AGO1: variants seen among roughly 807,000 people sequenced by gnomAD.
AGO1 encodes protein argonaute-1.
A neutral mutation model predicts 109.2 loss-of-function variants in AGO1; 11 were observed. The observed-to-expected ratio is 0.10, with a 90% CI of 0.06 to 0.17. The LOEUF (loss-of-function observed/expected upper bound fraction) is 0.17, where lower values mean the gene tolerates loss of function less well. Among genes scored for constraint, AGO1 ranks in the 10% least tolerant of loss-of-function variants. The probability of loss-of-function intolerance (pLI) is 1.00; values close to 1 mark genes in which losing one functional copy is unlikely to be tolerated. For synonymous variants in AGO1, 422 were observed against 418.6 expected (o/e 1.01, Z -0.10); for missense variants, 574 against 1,140.3 (o/e 0.50, Z 7.15).
Position 35,901,718 on chromosome 1 carries a change from C to A in AGO1, c.1140+125C>A. ...ATTTGTTGCCTAGGACTGTATAAGG[C>A]TGCTTTTGCTTCTTGACCGTATAGC... is the stretch of plus-strand genomic sequence containing the variant. On this transcript the variant is annotated intron_variant, in intron 9 of 18. Coordinates refer to ENST00000373204, the MANE Select transcript of AGO1 (RefSeq NM_012199.5). The surrounding 1 kb of genome is among the most constrained non-coding windows in gnomAD (Gnocchi z 4.8). 1 of 1,467,590 alleles carries A rather than the reference C, an allele frequency of 6.8e-7. No individual in the cohort carries two copies. The highest frequency in any genetic ancestry group is 9.2e-7 in the Non-Finnish European group (1 of 1,082,054). 90.9% of individuals were successfully genotyped at this position (1,467,590 alleles called of 1,614,324 possible).
At chr1:35,873,717 C>T (rs1557597092) in intron 1 of AGO1, 1 of 152,734 alleles carries the variant, frequency 6.5e-6, no homozygotes, top group African/African-American at 2.4e-5. Flanking sequence ...GAGTACTTTT[C>T]CTAGATCAAA....
At chr1:35,907,820 A>T (rs72902976) in intron 12 of AGO1, among the ~76,000 whole-genome samples, 11,116 of 151,956 alleles carry the variant, frequency 0.073, 1,353 homozygotes, top group African/African-American at 0.25. Context: ...TTGTCTTCCT[A>T]TTTCCTTCAT....
chr1:35,919,563 G>A lies in AGO1; in HGVS notation c.2530G>A (p.Val844Met), dbSNP rs1314564307. 3 of 1,614,034 alleles carry A rather than the reference G, an allele frequency of 1.9e-6. No homozygotes were observed. Among genetic ancestry groups the A allele is most frequent in the Non-Finnish European group, 1.7e-6 (2 of 1,180,022 alleles). The change falls in exon 19 of 19, where the codon GTG becomes ATG. Residue 844 changes from valine (V) to methionine (M), a missense_variant. Val to Met is a conservative substitution (Grantham distance 21). Transcript: ENST00000373204. This position sits in a 1 kb window ranked among gnomAD's most constrained non-coding sequence, Gnocchi z 6.6. The part of the protein sequence containing the change: ...GRDPQALAKA[V>M]QVHQDTLRTM... ...GGACCCCCAGGCCCTGGCCAAAGCC[G>A]TGCAGGTTCACCAGGATACTCTGCG...
intron 1 of AGO1, among the ~76,000 whole-genome samples, chr1:35,870,852 C>G (rs147873350): frequency 2.2e-4 from 33 of 152,226 alleles, no homozygotes; most frequent in Non-Finnish European, 4.3e-4. Flanking sequence ...ACATAGTTTA[C>G]TTTTGCATAG....
At position 35,915,525 on chromosome 1, in the gene AGO1, G is replaced by A; in HGVS notation, c.2011G>A (p.Glu671Lys). 1 of 1,614,052 alleles carries A rather than the reference G, an allele frequency of 6.2e-7. No individual in the cohort carries two copies. The highest frequency in any genetic ancestry group is 8.5e-7 in the Non-Finnish European group (1 of 1,179,982). Reference protein sequence around the residue: ...RIIFYRDGVPEGQLPQILHYE... With the variant: ...RIIFYRDGVPKGQLPQILHYE... ...CATCTTCTACCGAGATGGGGTGCCT[G>A]AAGGCCAGCTACCCCAGGTAGGGCC... The change falls in exon 15 of 19, where the codon GAA becomes AAA. Residue 671 changes from glutamate (E) to lysine (K), a missense_variant. This residue lies in a region of AGO1 where 45 missense variants were observed against 61.3 expected (regional missense o/e 0.73). Coordinates refer to ENST00000373204, the MANE Select transcript of AGO1 (RefSeq NM_012199.5).
At chr1:35,916,601 C>A (rs1174877272) in intron 15 of AGO1, among the ~76,000 whole-genome samples, 1 of 152,206 alleles carries the variant, frequency 6.6e-6, no homozygotes, top group Non-Finnish European at 1.5e-5. Context: ...CTCCTGACCT[C>A]AAATGATCCA....
At position 35,883,274 on chromosome 1, in the gene AGO1, C is replaced by T; in HGVS notation, c.-148C>T. On this transcript the variant is annotated 5_prime_UTR_variant, in exon 1 of 19. Transcript: ENST00000373204. This position sits in a 1 kb window ranked among gnomAD's most constrained non-coding sequence, Gnocchi z 5.4. ...GGCTCCGCGGCGGCGGCAACGGAGG[C>T]TGCGGGGGCGGCGGCGCGAGCGGCC... 1 of 1,395,718 alleles carries T rather than the reference C, an allele frequency of 7.2e-7. No individual in the cohort carries two copies. Among genetic ancestry groups the T allele is most frequent in the East Asian group, 3.1e-5 (1 of 32,152 alleles). 86.5% of individuals were successfully genotyped at this position (1,395,718 alleles called of 1,614,324 possible).
At chr1:35,894,771 A>G (rs887580758) in intron 7 of AGO1, among the ~76,000 whole-genome samples, 3 of 152,190 alleles carry the variant, frequency 2.0e-5, no homozygotes, top group Non-Finnish European at 4.4e-5. Flanking sequence ...TTCCATTCCC[A>G]TTCTTGACCT....
At chr1:35,915,797 A>G (rs1239189969) in intron 15 of AGO1, among the ~76,000 whole-genome samples, 1 of 152,214 alleles carries the variant, frequency 6.6e-6, no homozygotes, top group Non-Finnish European at 1.5e-5. Context: ...TGTTTAGACC[A>G]GTGATTCTCA....
At position 35,876,094 on chromosome 1, in the gene AGO1, A is replaced by T. The variant is rs187826059; in HGVS notation, c.-201+6191A>T. ...AAGGGTTTGGAAGACATTGATTCCAACTGTCATGGATGACTTTGAGGGGTT... is the reference window on the plus strand; with the variant it reads ...AAGGGTTTGGAAGACATTGATTCCATCTGTCATGGATGACTTTGAGGGGTT... On this transcript the variant is annotated intron_variant, in intron 1 of 18. Coordinates refer to the AGO1 transcript ENST00000373206. 3.3e-5 allele frequency among the ~76,000 whole-genome samples: 5 copies of T among 152,302 alleles called. No homozygotes were observed. The East Asian group carries it at 9.6e-4, about 29-fold the overall frequency.
chr1:35,900,619 T>C (rs1645396645), intron 8 of AGO1, among the ~76,000 whole-genome samples: 1 of 152,122 alleles, frequency 6.6e-6, no homozygotes, highest in Non-Finnish European at 1.5e-5. Context: ...CCCAGCTACT[T>C]GGAACGCTGA....
At position 35,883,533 on chromosome 1, in the gene AGO1, G is replaced by A. The variant is rs574809993; in HGVS notation, c.25+87G>A. On this transcript the variant is annotated intron_variant, in intron 1 of 18. Transcript: ENST00000373204. The surrounding 1 kb of genome is among the most constrained non-coding windows in gnomAD (Gnocchi z 5.4). The stretch of plus-strand genomic sequence containing the variant: ...AGCGTGGTTTCCAAGTGATGGAAGC[G>A]CTCCTGAGTGAGGAGAAGGGCTCTC... 3.9e-5 allele frequency: 56 copies of A among 1,446,996 alleles called. 1 individual carries two copies. The East Asian group carries it at 1.4e-3, about 37-fold the overall frequency. The allele number at this position is 1,446,996 out of a possible 1,614,324, so 89.6% of individuals were successfully genotyped here. A position where few individuals can be genotyped will look rare whatever the true frequency, so the allele number is the denominator to read the frequency against.
chr1:35,917,567 T>A (rs778460798), intron 15 of AGO1, 26 bp from the exon 16 acceptor site: 64 of 1,600,664 alleles, frequency 4.0e-5, no homozygotes, highest in Non-Finnish European at 5.4e-5. Context: ...ATTTCTTTGT[T>A]TCCCTCCCCA....
chr1:35,901,267 G>A lies in AGO1; in HGVS notation c.1021-207G>A, dbSNP rs1050185158. ...ATTGCAGGCATGAGCCACCATGCCC[G>A]GCCTGAATCGCCTTTTACAATGCAC... On this transcript the variant is annotated intron_variant, in intron 8 of 18. Coordinates refer to ENST00000373204, the MANE Select transcript of AGO1 (RefSeq NM_012199.5). The surrounding 1 kb of genome is among the most constrained non-coding windows in gnomAD (Gnocchi z 4.8). 2.6e-5 allele frequency among the ~76,000 whole-genome samples: 4 copies of A among 152,114 alleles called. No homozygotes were observed. The highest frequency in any genetic ancestry group is 9.7e-5 in the African/African-American group (4 of 41,424).
At chr1:35,908,008 T>C (rs1400798073) in intron 12 of AGO1, among the ~76,000 whole-genome samples, 5 of 152,216 alleles carry the variant, frequency 3.3e-5, no homozygotes, top group South Asian at 2.1e-4. Flanking sequence ...TGGTCCCAGC[T>C]ACTTGGGAGT....
At chr1:35,911,990 T>C (rs1186495922) in intron 12 of AGO1, among the ~76,000 whole-genome samples, 2 of 152,222 alleles carry the variant, frequency 1.3e-5, no homozygotes, top group Non-Finnish European at 2.9e-5. Context: ...GTTCTGCCAA[T>C]ACTGGGAGTT....
chr1:35,880,133 G>T (rs910850440), upstream of AGO1, among the ~76,000 whole-genome samples: 1 of 152,134 alleles, frequency 6.6e-6, no homozygotes, highest in Non-Finnish European at 1.5e-5. Flanking sequence ...CACAGCTTGT[G>T]CCAAGCACTA....
Position 35,893,114 on chromosome 1 carries a change from A to T in AGO1, c.348A>T (p.Thr116=), listed in dbSNP as rs774463509. 3 of 1,614,052 alleles carry T rather than the reference A, an allele frequency of 1.9e-6. No homozygotes were observed. In the East Asian group the frequency reaches 6.7e-5, roughly 36 times the overall value. ...TCCTGAAGGTCGACTTTGAGGTGACAATCCCTGGGGAAGGGAAGGATCGAA... is the reference window on the plus strand; with the variant it reads ...TCCTGAAGGTCGACTTTGAGGTGACTATCCCTGGGGAAGGGAAGGATCGAA... The part of the protein sequence containing the change: ...IGNERVDFEV[T]IPGEGKDRIF... The change falls in exon 4 of 19, where the codon ACA becomes ACT. Residue 116 remains threonine, a synonymous_variant. Transcript: ENST00000373204. The surrounding 1 kb of genome is among the most constrained non-coding windows in gnomAD (Gnocchi z 5.6).
At chr1:35,886,591 A>T (rs1223339270) in intron 1 of AGO1, among the ~76,000 whole-genome samples, 1 of 152,008 alleles carries the variant, frequency 6.6e-6, no homozygotes, top group Non-Finnish European at 1.5e-5. Flanking sequence ...GCCCCAAATG[A>T]TTATTCAGTC....
Sources: gnomAD v4.1 joint callset for allele counts (sites outside exome capture counted in the v4.1 genomes callset) on GRCh38, gnomAD v4.1.1 for gene constraint, gnomAD v4.1.1 regional missense constraint, Gnocchi (gnomAD v3.1) non-coding constraint, MANE v1.5 for transcripts, NCBI Gene and HGNC (gene_info 2026-07-23, HGNC 2026-07-21) for gene names.